DAPP1: variants seen among roughly 807,000 people sequenced by gnomAD.
DAPP1 encodes the protein dual adapter for phosphotyrosine and 3-phosphotyrosine and 3-phosphoinositide.
In DAPP1, 20 loss-of-function variants were observed where a neutral mutation model predicts 41.5. The ratio of observed to expected loss-of-function variants is 0.48; its 90% confidence interval spans 0.34 to 0.70. DAPP1 has a LOEUF of 0.70. DAPP1 is among the 30% of genes least tolerant of loss of function. The pLI, the probability that DAPP1 is intolerant of heterozygous loss-of-function variation, is 0.01. For missense variants in DAPP1, 233 were observed against 333.4 expected (o/e 0.70, Z 2.35); for synonymous variants, 113 against 116.2 (o/e 0.97, Z 0.18).
At chr4:99,860,784 T>C (rs368573044) in intron 4 of DAPP1, among the ~76,000 whole-genome samples, 18 of 152,334 alleles carry the variant, frequency 1.2e-4, no homozygotes, top group African/African-American at 4.1e-4. Context: ...TTGAACAAAA[T>C]ATTCTACCAC....
chr4:99,848,869 G>T (rs948701170), intron 3 of DAPP1, among the ~76,000 whole-genome samples: 1 of 152,162 alleles, frequency 6.6e-6, no homozygotes, highest in Non-Finnish European at 1.5e-5. Flanking sequence ...TTCGAGGGCC[G>T]GGCCAGGTCT....
At chr4:99,853,096 A>G in intron 3 of DAPP1, 122 bp from the exon 4 acceptor site, 1 of 1,092,072 alleles carries the variant, frequency 9.2e-7, no homozygotes, top group Non-Finnish European at 1.3e-6. Flanking sequence ...TGTTGAGATA[A>G]TGAGCGAGGG....
In DAPP1 at chr4:99,840,358, A is replaced by G. The variant is rs763855611; in HGVS notation, c.294A>G (p.Glu98=). 8.1e-6 allele frequency: 13 copies of G among 1,611,008 alleles called. No individual in the cohort carries two copies. ...ATTCATTTAAATTTGGCTTTAATGA[A>G]TTCTCATCTTTGAAGGATTTTGTCA... The part of the protein sequence containing the change: ...TGYSFKFGFN[E]FSSLKDFVKH... Residue 98 remains glutamate, a synonymous_variant, in exon 3 of 9, where the codon GAA becomes GAG. Transcript: ENST00000512369.
At chr4:99,818,405 C>T (rs751611173) in intron 1 of DAPP1, among the ~76,000 whole-genome samples, 1 of 152,160 alleles carries the variant, frequency 6.6e-6, no homozygotes, top group Non-Finnish European at 1.5e-5. Flanking sequence ...ACTGTATTCC[C>T]AGCCCACTGT....
intron 4 of DAPP1, among the ~76,000 whole-genome samples, chr4:99,857,222 T>C (rs1202254286): frequency 6.6e-6 from 1 of 152,128 alleles, no homozygotes; most frequent in Admixed American, 6.5e-5. Context: ...GCAGATGGAT[T>C]GAATGTGATA....
intron 1 of DAPP1, among the ~76,000 whole-genome samples, chr4:99,827,147 G>C (rs28605761): frequency 0.075 from 11,428 of 152,164 alleles, 488 homozygotes; most frequent in Middle Eastern, 0.14. Context: ...GGTTGAGGGA[G>C]GGGCCTGAGG....
rs1342210337 is a variant in DAPP1 at position 99,869,457 on chromosome 4, C to T, written c.*1272C>T. On this transcript the variant is annotated 3_prime_UTR_variant, in exon 9 of 9. Transcript: ENST00000512369. ...TTATGCTGCAAAGCTATGATATAAA[C>T]TGCTCTTGCAGTCCAAAGGGATACC... 6.6e-6 allele frequency: 1 copy of T among 152,210 alleles called. No individual in the cohort carries two copies. The highest frequency in any genetic ancestry group is 1.5e-5 in the Non-Finnish European group (1 of 68,040). The allele number at this position is 152,210 out of a possible 1,614,324, so 9.4% of individuals were successfully genotyped here.
chr4:99,845,862 A>T (rs1284605066), intron 3 of DAPP1, among the ~76,000 whole-genome samples: 1 of 152,256 alleles, frequency 6.6e-6, no homozygotes, highest in Non-Finnish European at 1.5e-5. Flanking sequence ...ATAACAAAGT[A>T]AAATAAAATT....
chr4:99,870,330 C>CATAT (rs3839158), downstream of DAPP1, among the ~76,000 whole-genome samples: 38,165 of 148,574 alleles, frequency 0.26, 4,915 homozygotes, highest in African/African-American at 0.29. Context: ...AAACAATAAA[C>CATAT]ATATATATAT....
At chr4:99,871,454 T>C (rs942219250), downstream of DAPP1, among the ~76,000 whole-genome samples, 1 of 152,188 alleles carries the variant, frequency 6.6e-6, no homozygotes, top group Non-Finnish European at 1.5e-5. Flanking sequence ...TGAGATTTCA[T>C]AAAATTCAAT....
downstream of DAPP1, among the ~76,000 whole-genome samples, chr4:99,872,043 GA>G (rs964930978): frequency 8.6e-5 from 13 of 150,694 alleles, no homozygotes; most frequent in African/African-American, 2.4e-4. Flanking sequence ...CAAGAACAAA[GA>G]AAAAAAAATG....
At chr4:99,830,561 C>G (rs1176607241) in intron 1 of DAPP1, among the ~76,000 whole-genome samples, 1 of 152,152 alleles carries the variant, frequency 6.6e-6, no homozygotes, top group Non-Finnish European at 1.5e-5. Context: ...CCACCTTCAT[C>G]TCTCACCATT....
chr4:99,831,300 A>G (rs993925242), intron 1 of DAPP1, among the ~76,000 whole-genome samples: 3 of 152,092 alleles, frequency 2.0e-5, no homozygotes, highest in Non-Finnish European at 2.9e-5. Flanking sequence ...GTGGGGTGTA[A>G]TTGACATCAT....
intron 1 of DAPP1, among the ~76,000 whole-genome samples, chr4:99,833,657 A>G (rs913992600): frequency 2.6e-5 from 4 of 152,218 alleles, no homozygotes; most frequent in African/African-American, 9.6e-5. Context: ...CATTATTTGT[A>G]TAATTGCCTG....
At chr4:99,825,826 A>G (rs1249534431) in intron 1 of DAPP1, among the ~76,000 whole-genome samples, 1 of 152,202 alleles carries the variant, frequency 6.6e-6, no homozygotes, top group Non-Finnish European at 1.5e-5. Flanking sequence ...ACACTTGTGA[A>G]CATGTGACTT....
chr4:99,848,620 T>C (rs1723752829), intron 3 of DAPP1, among the ~76,000 whole-genome samples: 1 of 152,186 alleles, frequency 6.6e-6, no homozygotes, highest in Admixed American at 6.5e-5. Context: ...AGGAATCTGC[T>C]TAGTAATCAT....
chr4:99,835,782 C>T (rs1041908047), intron 2 of DAPP1, 37 bp downstream of exon 2: 1 of 1,605,564 alleles, frequency 6.2e-7, no homozygotes, highest in South Asian at 1.1e-5. Flanking sequence ...TCAGCATGGG[C>T]TCCTCTGTCA....
At chr4:99,849,956 A>G (rs1463267255) in intron 3 of DAPP1, among the ~76,000 whole-genome samples, 1 of 152,220 alleles carries the variant, frequency 6.6e-6, no homozygotes, top group Non-Finnish European at 1.5e-5. Flanking sequence ...AAGCTGGAAA[A>G]TGCAAAGGAA....
chr4:99,862,249 G>T (rs1368788004), intron 5 of DAPP1, among the ~76,000 whole-genome samples: 1 of 152,142 alleles, frequency 6.6e-6, no homozygotes, highest in Non-Finnish European at 1.5e-5. Context: ...CATTATTTGT[G>T]TCCCTTCTAG....
Sources: gnomAD v4.1 joint callset for allele counts (sites outside exome capture counted in the v4.1 genomes callset) on GRCh38, gnomAD v4.1.1 for gene constraint, MANE v1.5 for transcripts, NCBI Gene and HGNC (gene_info 2026-07-23, HGNC 2026-07-21) for gene names.